Variants in PHKB observed in about 807,000 individuals in gnomAD.
The protein encoded by PHKB is phosphorylase b kinase regulatory subunit beta.
Under a neutral mutation model 152.1 loss-of-function variants are expected in PHKB, and 122 were observed. The observed-to-expected ratio is 0.80, with a 90% CI of 0.69 to 0.93. The LOEUF (loss-of-function observed/expected upper bound fraction) is 0.93, where lower values mean the gene tolerates loss of function less well. Ranked by LOEUF, PHKB falls within the 40% of genes least tolerant of loss-of-function variation. The pLI is 0.00. For missense variants in PHKB, 1,304 were observed against 1,328.4 expected, an observed-to-expected ratio of 0.98 and a Z score of 0.29; for synonymous variants, 436 against 464.9, an observed-to-expected ratio of 0.94 and a Z score of 0.80.
intron 1 of PHKB, 102 bp from the exon 2 acceptor site, chr16:47,497,297 T>C (rs1970248339): frequency 1.4e-6 from 1 of 739,040 alleles, no homozygotes; most frequent in Non-Finnish European, 2.3e-6. Flanking sequence ...CATAAAATAA[T>C]GGAAGTTAGA....
At chr16:47,617,407 C>G (rs1972538634) in intron 14 of PHKB, among the ~76,000 whole-genome samples, 1 of 151,830 alleles carries the variant, frequency 6.6e-6, no homozygotes, top group Non-Finnish European at 1.5e-5. Flanking sequence ...TTATCATCCT[C>G]AACAAAACTT....
At chr16:47,557,414 A>G (rs905268338) in intron 7 of PHKB, among the ~76,000 whole-genome samples, 3 of 152,268 alleles carry the variant, frequency 2.0e-5, no homozygotes, top group African/African-American at 7.2e-5. Context: ...GCTTCTGCAC[A>G]GCAAAAGAAA....
chr16:47,571,590 T>A (rs1047497959), intron 7 of PHKB, among the ~76,000 whole-genome samples: 1 of 152,166 alleles, frequency 6.6e-6, no homozygotes, highest in African/African-American at 2.4e-5. Context: ...CATGAAAGCC[T>A]GAGCCCAGAG....
chr16:47,604,339 A>C (rs1324352261), intron 13 of PHKB, among the ~76,000 whole-genome samples: 2 of 152,172 alleles, frequency 1.3e-5, no homozygotes, highest in African/African-American at 4.8e-5. Flanking sequence ...CAGATCTACC[A>C]GTGTTTTCCT....
chr16:47,589,182 A>G (rs761330359), intron 10 of PHKB, 80 bp downstream of exon 10: 16 of 1,038,472 alleles, frequency 1.5e-5, no homozygotes, highest in Non-Finnish European at 2.3e-5. Flanking sequence ...TTGGGTTTGA[A>G]TTCTGGCTCT....
intron 13 of PHKB, among the ~76,000 whole-genome samples, chr16:47,610,330 T>C (rs1328607192): frequency 6.6e-6 from 1 of 151,954 alleles, no homozygotes; most frequent in Non-Finnish European, 1.5e-5. Context: ...TGTCTTAAGG[T>C]GGAAAAATAG....
chr16:47,612,017 A>G (rs1017334804), intron 14 of PHKB, among the ~76,000 whole-genome samples: 3 of 152,198 alleles, frequency 2.0e-5, no homozygotes, highest in African/African-American at 7.2e-5. Context: ...GTGTTGGGGA[A>G]GGAATAGTTT....
At chr16:47,487,086 G>T (rs1970061795) in intron 1 of PHKB, among the ~76,000 whole-genome samples, 1 of 152,230 alleles carries the variant, frequency 6.6e-6, no homozygotes, top group East Asian at 1.9e-4. Flanking sequence ...CTTCCCTGGG[G>T]TAAGATTCTA....
intron 8 of PHKB, among the ~76,000 whole-genome samples, chr16:47,581,385 C>CTGGA (rs1007525171): frequency 5.3e-5 from 8 of 152,002 alleles, no homozygotes; most frequent in East Asian, 1.9e-4. Context: ...TTTCATATTC[C>CTGGA]TGGATGGATG....
intron 7 of PHKB, among the ~76,000 whole-genome samples, chr16:47,554,863 C>T (rs1237064430): frequency 6.6e-6 from 1 of 152,294 alleles, no homozygotes; most frequent in South Asian, 2.1e-4. Context: ...TCTAACCAGT[C>T]CCAGTGAGAT....
intron 7 of PHKB, among the ~76,000 whole-genome samples, chr16:47,573,494 A>G (rs568514917): frequency 7.4e-4 from 113 of 152,264 alleles, no homozygotes; most frequent in African/African-American, 2.7e-3. Context: ...GAGAGGGGTA[A>G]CAGGCAGCAG....
chr16:47,699,091 A>C, intron 30 of PHKB, 138 bp from the exon 31 acceptor site: 1 of 797,422 alleles, frequency 1.3e-6, no homozygotes. Flanking sequence ...AAAATGAAAG[A>C]AAAGCTCAGG....
intron 1 of PHKB, among the ~76,000 whole-genome samples, chr16:47,482,721 CAATT>C (rs753894444): frequency 2.6e-5 from 4 of 152,010 alleles, no homozygotes; most frequent in Non-Finnish European, 5.9e-5. Flanking sequence ...AGACATAATA[CAATT>C]AATTTTTTTT....
intron 22 of PHKB, among the ~76,000 whole-genome samples, chr16:47,661,301 A>G (rs1973439632): frequency 6.6e-6 from 1 of 152,156 alleles, no homozygotes; most frequent in Non-Finnish European, 1.5e-5. Flanking sequence ...ATCTCTTCAC[A>G]ACAGTTTGCT....
intron 6 of PHKB, among the ~76,000 whole-genome samples, chr16:47,530,331 T>G (rs1440769408): frequency 6.6e-6 from 1 of 152,060 alleles, no homozygotes; most frequent in Non-Finnish European, 1.5e-5. Context: ...AGATGTGGTT[T>G]CGCCCACCCA....
chr16:47,590,002 G>T (rs1972000849), intron 10 of PHKB, among the ~76,000 whole-genome samples: 1 of 152,156 alleles, frequency 6.6e-6, no homozygotes, highest in Non-Finnish European at 1.5e-5. Context: ...ATGTTGGCCA[G>T]GCTGGTCTTC....
At chr16:47,660,176 T>A (rs1973413442) in intron 20 of PHKB, among the ~76,000 whole-genome samples, 1 of 152,234 alleles carries the variant, frequency 6.6e-6, no homozygotes, top group African/African-American at 2.4e-5. Flanking sequence ...ATGTTATTTT[T>A]TTTAACATTT....
intron 13 of PHKB, among the ~76,000 whole-genome samples, chr16:47,606,034 T>C (rs1972317371): frequency 6.6e-6 from 1 of 152,190 alleles, no homozygotes; most frequent in South Asian, 2.1e-4. Context: ...TGAATATATG[T>C]GAAATACTTA....
At chr16:47,493,067 G>A (rs553957856) in intron 1 of PHKB, among the ~76,000 whole-genome samples, 3 of 152,326 alleles carry the variant, frequency 2.0e-5, no homozygotes, top group Admixed American at 2.0e-4. Context: ...CCCTGGAACA[G>A]GGGAGATCAG....
Sources: allele counts gnomAD v4.1 joint callset (sites outside exome capture counted in the v4.1 genomes callset), GRCh38; gene constraint gnomAD v4.1.1; transcripts MANE v1.5; gene names NCBI Gene and HGNC (gene_info 2026-07-23, HGNC 2026-07-21).